The following HEATR6 variants were observed in gnomAD, a reference collection of about 807,000 sequenced individuals.
The protein encoded by HEATR6 is HEAT repeat-containing protein 6.
Under a neutral mutation model 132.8 loss-of-function variants are expected in HEATR6, and 106 were observed. That is an observed-to-expected ratio of 0.80 (90% CI 0.68 to 0.94). HEATR6 has a LOEUF of 0.94. HEATR6 is among the 40% of genes least tolerant of loss of function. HEATR6 has a pLI of 0.00. For synonymous variants in HEATR6, 529 were observed against 537.8 expected, an observed-to-expected ratio of 0.98 and a Z score of 0.23; for missense variants, 1,339 against 1,425.1, an observed-to-expected ratio of 0.94 and a Z score of 0.97.
At chr17:60,078,174 A>C (rs1489831995) in intron 1 of HEATR6, among the ~76,000 whole-genome samples, 2 of 152,128 alleles carry the variant, frequency 1.3e-5, no homozygotes, top group Non-Finnish European at 2.9e-5. Context: ...GATGTGTGTA[A>C]GATTACTCAG....
intron 3 of HEATR6, 123 bp from the exon 4 acceptor site, chr17:60,073,402 A>G: frequency 1.6e-6 from 1 of 640,690 alleles, no homozygotes; most frequent in Non-Finnish European, 2.8e-6. Context: ...ACTAGCTGTT[A>G]GATAAATGTC....
Position 60,046,172 on chromosome 17 carries a change from G to A in HEATR6, c.2827C>T (p.His943Tyr), listed in dbSNP as rs773880348. The change falls in exon 19 of 20, where the codon CAT becomes TAT. Residue 943 changes from histidine to tyrosine, a missense_variant. His to Tyr is a moderately conservative substitution (Grantham distance 83, BLOSUM62 2). Transcript: ENST00000184956. ...GNLLHFLQPS[H>Y]IEKPTFAEII... ...TCTGCAAATGTGGGTTTTTCTATAT[G>A]AGAGGGTTGCAGAAAATGAAGCAAA... 6.8e-6 allele frequency: 11 copies of A among 1,613,968 alleles called. No homozygotes were observed. The highest frequency in any genetic ancestry group is 8.5e-6 in the Non-Finnish European group (10 of 1,179,928).
chr17:60,078,788 C>G lies in HEATR6; in HGVS notation c.127G>C (p.Asp43His). The part of the protein sequence containing the change: ...LSARLCALRP[D>H]DSSSARTEIH... Reference sequence around the variant, plus strand: ...TCGGTGCGGGCGGAGCTGCTGTCATCCGGGCGCAGGGCGCAGAGCCTGGCA... The same window carrying G: ...TCGGTGCGGGCGGAGCTGCTGTCATGCGGGCGCAGGGCGCAGAGCCTGGCA... The change falls in exon 1 of 20, where the codon GAT (aspartate) becomes CAT (histidine). Residue 43 changes from aspartate to histidine, a missense_variant. Transcript: ENST00000184956. 2 of 1,587,626 alleles carry G rather than the reference C, an allele frequency of 1.3e-6. No homozygotes were observed. Among genetic ancestry groups the G allele is most frequent in the South Asian group, 2.3e-5 (2 of 86,710 alleles).
chr17:60,046,114 GA>G lies in HEATR6; in HGVS notation c.2884del (p.Ser962LeufsTer4). 1 of 1,613,992 alleles carries G rather than the reference GA, an allele frequency of 6.2e-7. No individual in the cohort carries two copies. The highest frequency in any genetic ancestry group is 8.5e-7 in the Non-Finnish European group (1 of 1,179,890). ...CATGGCAGCTTCTGTTAGAACAGTA[GA>G]AATTAGGGCCTGGATAGACTCCTCA... ...IIEESIQALISTVLTEAAMKV... is the reference protein window; with the variant it reads ...IIEESIQALIXTVLTEAAMKV... On this transcript the variant is annotated frameshift_variant, in exon 19 of 20. Coordinates refer to ENST00000184956, the MANE Select transcript of HEATR6 (RefSeq NM_022070.5). LOFTEE classifies it high-confidence loss of function.
Position 60,057,286 on chromosome 17 carries a change from C to T in HEATR6, c.1841G>A (p.Ser614Asn). 2 of 1,614,158 alleles carry T rather than the reference C, an allele frequency of 1.2e-6. No homozygotes were observed. Among genetic ancestry groups the T allele is most frequent in the Non-Finnish European group, 1.7e-6 (2 of 1,180,014 alleles). The change falls in exon 12 of 20, where the codon AGC becomes AAC. Residue 614 changes from serine to asparagine, a missense_variant. Ser to Asn is a conservative substitution (Grantham distance 46, BLOSUM62 1). Coordinates refer to ENST00000184956, the MANE Select transcript of HEATR6 (RefSeq NM_022070.5). Reference sequence around the variant, plus strand: ...GCTGAGGTGAGGGGTTGCTGAATTGCTATTACCGAGTCCAGAAGAACATGG... The same window carrying T: ...GCTGAGGTGAGGGGTTGCTGAATTGTTATTACCGAGTCCAGAAGAACATGG... ...QQPCSSGLGN[S>N]NSATPHLSPP...
chr17:60,049,840 G>T, intron 15 of HEATR6, 138 bp from the exon 16 acceptor site: 1 of 881,626 alleles, frequency 1.1e-6, no homozygotes, highest in Non-Finnish European at 1.7e-6. Context: ...GGCTACCCTG[G>T]TAAAAAGCAG....
Position 60,066,204 on chromosome 17 carries a change from C to G in HEATR6, c.1416+5G>C, listed in dbSNP as rs369183711. 4.4e-6 allele frequency: 7 copies of G among 1,608,654 alleles called. No homozygotes were observed. In the African/African-American group the frequency reaches 8.0e-5, roughly 18 times the overall value. ...TTATAAAGCTTAGAGTTTAAATTCTCTTACCTTTGGAGAAGGGTCTTTCAA... is the reference window on the plus strand; with the variant it reads ...TTATAAAGCTTAGAGTTTAAATTCTGTTACCTTTGGAGAAGGGTCTTTCAA... On this transcript the variant is annotated splice_donor_5th_base_variant and intron_variant, in intron 9 of 19. Transcript: ENST00000184956.
intron 1 of HEATR6, 106 bp downstream of exon 1, chr17:60,078,590 C>T (rs1473117401): frequency 3.4e-6 from 3 of 872,216 alleles, no homozygotes; most frequent in Non-Finnish European, 5.2e-6. Context: ...GAAACTAAAT[C>T]ATCAGGCGCG....
In HEATR6 at chr17:60,059,453, C is replaced by A; in HGVS notation, c.1692G>T (p.Trp564Cys). Residue 564 changes from tryptophan to cysteine, a missense_variant, in exon 11 of 20, where the codon TGG becomes TGT. Transcript: ENST00000184956. ...RLKLSLLTKV[W>C]NQIKPYIRHK... ...GGCGAATATAAGGCTTTATCTGGTT[C>A]CAGACTTTGGTCAGCAGGCTGAGTT... The A allele has an allele frequency of 6.2e-7, 1 of 1,613,510 alleles. No individual in the cohort carries two copies. The highest frequency in any genetic ancestry group is 1.1e-5 in the South Asian group (1 of 90,990).
rs767021489 is a variant in HEATR6 at position 60,059,995 on chromosome 17, G to T, written c.1518C>A (p.Thr506=). ...TGCAAGCGATCATTACGGAGAAGGG[G>T]GTAAAAGCCCTTCTGTGGTCACTGG... ...EDTSDHRRAF[T]PFSVMIACSI... Residue 506 remains threonine, a synonymous_variant, in exon 10 of 20, where the codon ACC becomes ACA. Coordinates refer to ENST00000184956, the MANE Select transcript of HEATR6 (RefSeq NM_022070.5). 6.2e-7 allele frequency: 1 copy of T among 1,613,140 alleles called. No homozygotes were observed.
rs1372475881 is a variant in HEATR6, at chr17:60,043,552, T to G, written c.*11A>C. 24 of 1,596,774 alleles carry G rather than the reference T, an allele frequency of 1.5e-5. No homozygotes were observed. The highest frequency in any genetic ancestry group is 2.0e-5 in the Non-Finnish European group (23 of 1,167,570). ...TGCCGCCTTCGACATCTAGAAAGTATGGTGGGATCTTCACTGATTTGTTAA... is the reference window on the plus strand; with the variant it reads ...TGCCGCCTTCGACATCTAGAAAGTAGGGTGGGATCTTCACTGATTTGTTAA... On this transcript the variant is annotated 3_prime_UTR_variant, in exon 20 of 20. Transcript: ENST00000184956.
rs750250533 is a variant in HEATR6, at chr17:60,066,386, C to A, written c.1239G>T (p.Arg413Ser). ...CTTGGCGAACTTTAGCTTGGTAAGA[C>A]CTTTCATAACCAAGAGAAAAAAGAA... ...DAEGGMQSKMRSYQAKVRQGA... is the reference protein window; with the variant it reads ...DAEGGMQSKMSSYQAKVRQGA... Residue 413 changes from arginine (R) to serine (S), a missense_variant and splice_region_variant, in exon 9 of 20, where the codon AGG becomes AGT. Transcript: ENST00000184956. 3 of 1,556,028 alleles carry A rather than the reference C, an allele frequency of 1.9e-6. No homozygotes were observed. The South Asian group carries it at 3.7e-5, about 19-fold the overall frequency.
chr17:60,041,488 T>C lies in HEATR6; in HGVS notation c.*2075A>G, dbSNP rs1405438284. ...AATGCCAAGAAGCTACTACTAAGAATGTATTCAAGAGACGGAAGTTCCAAG... is the reference window on the plus strand; with the variant it reads ...AATGCCAAGAAGCTACTACTAAGAACGTATTCAAGAGACGGAAGTTCCAAG... On this transcript the variant is annotated 3_prime_UTR_variant, in exon 20 of 20. Coordinates refer to ENST00000184956, the MANE Select transcript of HEATR6 (RefSeq NM_022070.5). Among the ~76,000 whole-genome samples, 1 of 152,124 alleles carries C rather than the reference T, an allele frequency of 6.6e-6. No homozygotes were observed. Among genetic ancestry groups the C allele is most frequent in the Non-Finnish European group, 1.5e-5 (1 of 68,024 alleles).
intron 14 of HEATR6, among the ~76,000 whole-genome samples, chr17:60,053,530 G>A (rs1335324755): frequency 6.6e-6 from 1 of 152,216 alleles, no homozygotes; most frequent in East Asian, 1.9e-4. Context: ...CAGAAGACAG[G>A]AAGACAAAGG....
At chr17:60,066,177 T>C (rs1196798968) in intron 9 of HEATR6, 32 bp downstream of exon 9, 3 of 1,565,878 alleles carry the variant, frequency 1.9e-6, no homozygotes, top group Admixed American at 1.8e-5. Flanking sequence ...TTTTTCTTCC[T>C]ATTATAAAGC....
At chr17:60,071,274 G>A (rs1271058252) in intron 5 of HEATR6, among the ~76,000 whole-genome samples, 2 of 152,132 alleles carry the variant, frequency 1.3e-5, no homozygotes, top group Non-Finnish European at 2.9e-5. Context: ...TCTTGACTCA[G>A]TAATCTCATT....
At chr17:60,055,626 G>T (rs1247993616) in intron 13 of HEATR6, 25 bp from the exon 14 acceptor site, 2 of 1,556,080 alleles carry the variant, frequency 1.3e-6, no homozygotes, top group Non-Finnish European at 1.8e-6. Context: ...AATTACCGAA[G>T]TGGAGCATCA....
chr17:60,054,572 A>G (rs1906684151), intron 14 of HEATR6, among the ~76,000 whole-genome samples: 1 of 152,236 alleles, frequency 6.6e-6, no homozygotes, highest in Non-Finnish European at 1.5e-5. Context: ...GTCAAGGACT[A>G]TTTTGGAGCT....
chr17:60,072,234 T>C lies in HEATR6; in HGVS notation c.680A>G (p.Asp227Gly), dbSNP rs1162793978. 1.3e-6 allele frequency: 2 copies of C among 1,585,230 alleles called. No individual in the cohort carries two copies. Among genetic ancestry groups the C allele is most frequent in the East Asian group, 2.2e-5 (1 of 44,644 alleles). The change falls in exon 5 of 20, where the codon GAT becomes GGT. Residue 227 changes from aspartate (D) to glycine (G), a missense_variant. Asp to Gly is a moderately conservative substitution (Grantham distance 94). Coordinates refer to ENST00000184956, the MANE Select transcript of HEATR6 (RefSeq NM_022070.5). ...ACTTACCATGCAAAATGTGATATCA[T>C]CCATATCAGATGATTTTGGAGACTG... ...ILQSPKSSDM[D>G]DITFCMLLQN...
Sources: gnomAD v4.1 joint callset for allele counts (sites outside exome capture counted in the v4.1 genomes callset) on GRCh38, gnomAD v4.1.1 for gene constraint, MANE v1.5 for transcripts, NCBI Gene and HGNC (gene_info 2026-07-23, HGNC 2026-07-21) for gene names.